The following ALCAM variants were observed in gnomAD, a reference collection of about 807,000 sequenced individuals.
The protein encoded by ALCAM is activated leukocyte cell adhesion molecule, also known as CD166 antigen.
In ALCAM, 30 loss-of-function variants were observed where a neutral mutation model predicts 70.9. The observed-to-expected ratio is 0.42, with a 90% CI of 0.32 to 0.57. The LOEUF is 0.57. Ranked by LOEUF, ALCAM falls within the 20% of genes least tolerant of loss-of-function variation. The pLI, the probability that ALCAM is intolerant of heterozygous loss-of-function variation, is 0.11. For missense variants in ALCAM, 591 were observed against 695.1 expected, an observed-to-expected ratio of 0.85 and a Z score of 1.68; for synonymous variants, 249 against 242.5, an observed-to-expected ratio of 1.03 and a Z score of -0.25.
chr3:105,368,763 G>A (rs1935148508), intron 1 of ALCAM, among the ~76,000 whole-genome samples: 1 of 152,106 alleles, frequency 6.6e-6, no homozygotes, highest in African/African-American at 2.4e-5. Flanking sequence ...GTTGCTGTGT[G>A]TGTGGGCGGG....
intron 1 of ALCAM, among the ~76,000 whole-genome samples, chr3:105,431,147 A>C (rs1051618480): frequency 3.9e-5 from 6 of 152,012 alleles, no homozygotes; most frequent in Non-Finnish European, 8.8e-5. Flanking sequence ...CGAAACAAAA[A>C]AAAAAAAAAG....
chr3:105,405,277 CAAAAAAAAAA>C (rs35101188), intron 1 of ALCAM, among the ~76,000 whole-genome samples: 56 of 65,270 alleles, frequency 8.6e-4, no homozygotes, highest in East Asian at 5.0e-3. Flanking sequence ...AACTTCGTCT[CAAAAAAAAAA>C]AAAAAAAAAA....
chr3:105,520,057 T>TC lies in ALCAM; in HGVS notation c.74-5dup, dbSNP rs745721550. The stretch of plus-strand genomic sequence containing the variant: ...TTTCTCTCTTCTTCCTTTTTTTTTT[T>TC]CCCCCAAAGGCCTTGGATGGTATAC... On this transcript the variant is annotated splice_polypyrimidine_tract_variant and intron_variant, in intron 1 of 15. Coordinates refer to ENST00000306107, the MANE Select transcript of ALCAM (RefSeq NM_001627.4). The TC allele has an allele frequency of 2.7e-6, 4 of 1,463,224 alleles. No individual in the cohort carries two copies. The highest frequency in any genetic ancestry group is 2.9e-5 in the African/African-American group (2 of 68,182). 90.6% of individuals were successfully genotyped at this position (1,463,224 alleles called of 1,614,324 possible).
At position 105,428,473 on chromosome 3, in the gene ALCAM, A is replaced by G. The variant is rs146806744; in HGVS notation, c.73+60992A>G. The stretch of plus-strand genomic sequence containing the variant: ...ATTGAGTACTCCGTATTTTTTAAAT[A>G]TATAATGGATATATTATAAATACTA... On this transcript the variant is annotated intron_variant, in intron 1 of 15. Coordinates refer to ENST00000306107, the MANE Select transcript of ALCAM (RefSeq NM_001627.4). 2.4e-3 allele frequency among the ~76,000 whole-genome samples: 358 copies of G among 151,972 alleles called. 1 individual carries two copies. The highest frequency in any genetic ancestry group is 8.3e-3 in the African/African-American group (346 of 41,514).
chr3:105,446,580 A>G (rs961719650), intron 1 of ALCAM, among the ~76,000 whole-genome samples: 5 of 149,246 alleles, frequency 3.4e-5, no homozygotes, highest in Non-Finnish European at 3.0e-5. Flanking sequence ...AGTATCTACC[A>G]ATGGATGAAT....
In ALCAM at chr3:105,547,594, T is replaced by C. The variant is rs1940283295; in HGVS notation, c.1374+71T>C. The C allele has an allele frequency of 2.6e-6, 4 of 1,541,374 alleles. No homozygotes were observed. In the South Asian group the frequency reaches 5.0e-5, roughly 19 times the overall value. ...TTTTTTTTCCTTCACGAACCTACCCTATAGGTTGGTTTGTTACCACATAAA... is the reference window on the plus strand; with the variant it reads ...TTTTTTTTCCTTCACGAACCTACCCCATAGGTTGGTTTGTTACCACATAAA... On this transcript the variant is annotated intron_variant, in intron 11 of 15. Coordinates refer to ENST00000306107, the MANE Select transcript of ALCAM (RefSeq NM_001627.4).
At chr3:105,411,945 T>C (rs937770719) in intron 1 of ALCAM, among the ~76,000 whole-genome samples, 1 of 152,066 alleles carries the variant, frequency 6.6e-6, no homozygotes, top group African/African-American at 2.4e-5. Flanking sequence ...TTTAATCACA[T>C]ATAAAAAATT....
chr3:105,462,936 C>G (rs1341159578), intron 1 of ALCAM, among the ~76,000 whole-genome samples: 1 of 151,450 alleles, frequency 6.6e-6, no homozygotes, highest in Non-Finnish European at 1.5e-5. Context: ...TAGCTATGCA[C>G]TCTCTAAATT....
intron 1 of ALCAM, among the ~76,000 whole-genome samples, 180 bp from the exon 2 acceptor site, chr3:105,519,887 A>G (rs1939484624): frequency 6.6e-6 from 1 of 152,200 alleles, no homozygotes; most frequent in Admixed American, 6.5e-5. Flanking sequence ...AAAGGTGGTA[A>G]TTTTTAAATG....
chr3:105,470,380 C>T (rs1217155493), intron 1 of ALCAM, among the ~76,000 whole-genome samples: 4 of 150,894 alleles, frequency 2.7e-5, no homozygotes, highest in African/African-American at 7.3e-5. Context: ...GTAAATTATT[C>T]TTTTGTGCCA....
intron 1 of ALCAM, among the ~76,000 whole-genome samples, chr3:105,440,155 C>G (rs1053799843): frequency 6.6e-6 from 1 of 152,052 alleles, no homozygotes; most frequent in African/African-American, 2.4e-5. Flanking sequence ...CAGGAAAAAA[C>G]CAAGTCATAA....
chr3:105,367,320 C>T lies in ALCAM; in HGVS notation c.-89C>T, dbSNP rs1010073508. 2.1e-5 allele frequency: 29 copies of T among 1,403,022 alleles called. No homozygotes were observed. In the African/African-American group the frequency reaches 2.9e-4, roughly 14 times the overall value. The allele number at this position is 1,403,022 out of a possible 1,614,324, so 86.9% of individuals were successfully genotyped here. ...AAGACGCTGCCCCTGCGTCGGGACCCGCCAGCGCGCGGGCACCGCGGGGCC... is the reference window on the plus strand; with the variant it reads ...AAGACGCTGCCCCTGCGTCGGGACCTGCCAGCGCGCGGGCACCGCGGGGCC... On this transcript the variant is annotated 5_prime_UTR_variant, in exon 1 of 16. Coordinates refer to ENST00000306107, the MANE Select transcript of ALCAM (RefSeq NM_001627.4).
intron 1 of ALCAM, among the ~76,000 whole-genome samples, chr3:105,435,512 G>T (rs1937030373): frequency 6.6e-6 from 1 of 152,162 alleles, no homozygotes; most frequent in African/African-American, 2.4e-5. Flanking sequence ...AGGGCCATAA[G>T]TAATTGATAA....
At chr3:105,492,671 A>G (rs1168580025) in intron 1 of ALCAM, among the ~76,000 whole-genome samples, 2 of 152,226 alleles carry the variant, frequency 1.3e-5, no homozygotes, top group Non-Finnish European at 2.9e-5. Context: ...CTCCTCGAAG[A>G]CAAAAATGTA....
intron 1 of ALCAM, among the ~76,000 whole-genome samples, chr3:105,490,813 G>A (rs1288419015): frequency 6.6e-6 from 1 of 152,120 alleles, no homozygotes; most frequent in African/African-American, 2.4e-5. Context: ...CCTCCTAACT[G>A]CTTTCATGGG....
chr3:105,473,949 A>ATT (rs1461632584), intron 1 of ALCAM, among the ~76,000 whole-genome samples: 2 of 151,266 alleles, frequency 1.3e-5, no homozygotes, highest in Admixed American at 6.6e-5. Flanking sequence ...TATTCAAAAG[A>ATT]TTACTGCCAA....
chr3:105,499,797 A>C, intron 1 of ALCAM, among the ~76,000 whole-genome samples: 1 of 152,232 alleles, frequency 6.6e-6, no homozygotes, highest in Non-Finnish European at 1.5e-5. Context: ...TAGACAGAAC[A>C]GACAGCTTAC....
intron 1 of ALCAM, among the ~76,000 whole-genome samples, chr3:105,491,436 G>A (rs1370909455): frequency 6.6e-6 from 1 of 152,154 alleles, no homozygotes; most frequent in Non-Finnish European, 1.5e-5. Flanking sequence ...TCAGAAAATG[G>A]GTTTTCCTTT....
intron 6 of ALCAM, among the ~76,000 whole-genome samples, chr3:105,537,250 C>T (rs1188837776): frequency 1.3e-5 from 2 of 152,086 alleles, no homozygotes; most frequent in African/African-American, 4.8e-5. Context: ...ACGTTTATGC[C>T]ACCATTCCTC....
Sources: gnomAD v4.1 joint callset for allele counts (sites outside exome capture counted in the v4.1 genomes callset) on GRCh38, gnomAD v4.1.1 for gene constraint, MANE v1.5 for transcripts, NCBI Gene and HGNC (gene_info 2026-07-23, HGNC 2026-07-21) for gene names.